The following NOL4 variants were observed in gnomAD, a reference collection of about 807,000 sequenced individuals.
The protein encoded by NOL4 is cancer/testis antigen 125.
A neutral mutation model predicts 75.9 loss-of-function variants in NOL4; 17 were observed. The observed-to-expected ratio is 0.22, with a 90% CI of 0.15 to 0.34. The LOEUF (loss-of-function observed/expected upper bound fraction) is 0.34. NOL4 is among the 10% of genes least tolerant of loss of function. The pLI, the probability that NOL4 is intolerant of heterozygous loss-of-function variation, is 1.00. For synonymous variants in NOL4, 292 were observed against 289.9 expected, an observed-to-expected ratio of 1.01 and a Z score of -0.07; for missense variants, 614 against 793.5, an observed-to-expected ratio of 0.77 and a Z score of 2.72.
chr18:34,134,296 G>T (rs951925815), intron 1 of NOL4, among the ~76,000 whole-genome samples: 42 of 151,774 alleles, frequency 2.8e-4, no homozygotes, highest in African/African-American at 9.0e-4. Flanking sequence ...TGATAATTTT[G>T]AATGTATATT....
At chr18:33,897,177 TC>T (rs1224621760) in intron 9 of NOL4, among the ~76,000 whole-genome samples, 1 of 152,066 alleles carries the variant, frequency 6.6e-6, no homozygotes, top group Non-Finnish European at 1.5e-5. Context: ...GGGGTGTAAA[TC>T]AGTTCAACCA....
At chr18:34,018,371 A>C (rs2074830794) in intron 6 of NOL4, among the ~76,000 whole-genome samples, 1 of 152,160 alleles carries the variant, frequency 6.6e-6, no homozygotes, top group Non-Finnish European at 1.5e-5. Context: ...ACTTGCTTAA[A>C]AGAGGATAAA....
At chr18:34,036,203 C>G (rs554654129) in intron 5 of NOL4, among the ~76,000 whole-genome samples, 1 of 152,144 alleles carries the variant, frequency 6.6e-6, no homozygotes, top group South Asian at 2.1e-4. Flanking sequence ...TCATGATGAA[C>G]AGAGATACAA....
chr18:34,222,306 C>A (rs967018162), intron 1 of NOL4: 38 of 1,271,158 alleles, frequency 3.0e-5, no homozygotes, highest in Non-Finnish European at 3.8e-5. Context: ...CTTCTAGCTG[C>A]GGCTTTATTT....
intron 1 of NOL4, among the ~76,000 whole-genome samples, chr18:34,191,443 A>C (rs1470011277): frequency 6.6e-6 from 1 of 152,146 alleles, no homozygotes; most frequent in Non-Finnish European, 1.5e-5. Context: ...ATATACAAAA[A>C]GTTCCAGAGG....
chr18:33,965,809 T>A (rs1024107878), intron 6 of NOL4, among the ~76,000 whole-genome samples: 10 of 152,132 alleles, frequency 6.6e-5, no homozygotes, highest in Admixed American at 1.3e-4. Flanking sequence ...CTTTATGAAT[T>A]ACCCAGTCTT....
At chr18:34,003,882 C>T (rs555617999) in intron 6 of NOL4, among the ~76,000 whole-genome samples, 10 of 152,112 alleles carry the variant, frequency 6.6e-5, no homozygotes, top group East Asian at 5.9e-4. Context: ...GGGGGTCAGA[C>T]GTGCCTCATT....
intron 5 of NOL4, among the ~76,000 whole-genome samples, chr18:34,049,090 A>G (rs992615627): frequency 1.2e-4 from 17 of 142,526 alleles, no homozygotes; most frequent in African/African-American, 4.0e-4. Context: ...ACACACACAC[A>G]CACACACACA....
chr18:33,988,471 T>C (rs1432316503), intron 6 of NOL4, among the ~76,000 whole-genome samples: 1 of 152,098 alleles, frequency 6.6e-6, no homozygotes, highest in Admixed American at 6.6e-5. Context: ...GAAACCCTGT[T>C]CATGTAAGAA....
intron 6 of NOL4, chr18:34,001,943 C>T: frequency 6.6e-6 from 1 of 152,124 alleles, no homozygotes; most frequent in East Asian, 1.9e-4. Flanking sequence ...CTAGGAGAGG[C>T]AATTATCTTC....
chr18:33,873,124 C>T (rs143966964), intron 10 of NOL4, among the ~76,000 whole-genome samples: 69 of 152,080 alleles, frequency 4.5e-4, no homozygotes, highest in African/African-American at 6.0e-4. Flanking sequence ...GTTACTACCA[C>T]GCAGATCTTC....
At chr18:34,134,946 T>C (rs2080830803) in intron 1 of NOL4, among the ~76,000 whole-genome samples, 1 of 152,146 alleles carries the variant, frequency 6.6e-6, no homozygotes, top group African/African-American at 2.4e-5. Context: ...CAGTGCTAAA[T>C]GCCTGTATTA....
chr18:33,900,115 T>C (rs1190588029), intron 9 of NOL4, among the ~76,000 whole-genome samples: 1 of 152,126 alleles, frequency 6.6e-6, no homozygotes, highest in Non-Finnish European at 1.5e-5. Flanking sequence ...TTTATTTGGC[T>C]AATGGTTTTG....
At chr18:33,909,696 G>T (rs1051557333) in intron 9 of NOL4, among the ~76,000 whole-genome samples, 2 of 151,978 alleles carry the variant, frequency 1.3e-5, no homozygotes, top group Admixed American at 1.3e-4. Context: ...ATAATCTGTT[G>T]GATGCCTTCT....
chr18:33,867,649 AACAC>A (rs35491645), intron 10 of NOL4, among the ~76,000 whole-genome samples: 71,370 of 148,524 alleles, frequency 0.48, 17,507 homozygotes, highest in African/African-American at 0.6. Flanking sequence ...TGTGTATGTA[AACAC>A]ACACACACAC....
At chr18:34,199,904 G>A (rs533648405) in intron 1 of NOL4, among the ~76,000 whole-genome samples, 7 of 151,790 alleles carry the variant, frequency 4.6e-5, no homozygotes, top group African/African-American at 9.7e-5. Flanking sequence ...ATAAGCACAC[G>A]GTAAGTAATA....
chr18:33,932,154 A>G (rs1313442191), intron 9 of NOL4, among the ~76,000 whole-genome samples: 2 of 152,136 alleles, frequency 1.3e-5, no homozygotes, highest in African/African-American at 4.8e-5. Flanking sequence ...ACATTGAAAT[A>G]CATATTATTT....
chr18:33,888,591 T>C (rs889273490), intron 9 of NOL4, among the ~76,000 whole-genome samples: 3 of 152,152 alleles, frequency 2.0e-5, no homozygotes, highest in African/African-American at 7.2e-5. Context: ...GAGTTAATTA[T>C]TGTATACTGT....
chr18:34,029,229 A>G (rs552447979), intron 5 of NOL4, among the ~76,000 whole-genome samples: 31 of 152,220 alleles, frequency 2.0e-4, no homozygotes, highest in African/African-American at 7.5e-4. Flanking sequence ...AAACTCAGTG[A>G]GGTTTATTTA....
Sources: allele counts gnomAD v4.1 joint callset (sites outside exome capture counted in the v4.1 genomes callset), GRCh38; gene constraint gnomAD v4.1.1; transcripts MANE v1.5; gene names NCBI Gene and HGNC (gene_info 2026-07-23, HGNC 2026-07-21).